The following ARHGAP15 variants were observed in gnomAD, a reference collection of about 807,000 sequenced individuals.
ARHGAP15 encodes the protein rho GTPase-activating protein 15.
ARHGAP15 carries 51 observed loss-of-function variants against 63.7 expected under a neutral mutation model. That is an observed-to-expected ratio of 0.80 (90% CI 0.64 to 1.01). The LOEUF (loss-of-function observed/expected upper bound fraction) is 1.01. Ranked by LOEUF, ARHGAP15 falls within the 50% of genes least tolerant of loss-of-function variation. The pLI is 0.00. For missense variants in ARHGAP15, 560 were observed against 564.6 expected, an observed-to-expected ratio of 0.99 and a Z score of 0.08; for synonymous variants, 191 against 193.8, an observed-to-expected ratio of 0.99 and a Z score of 0.12.
intron 5 of ARHGAP15, among the ~76,000 whole-genome samples, chr2:143,241,023 T>G (rs1421378466): frequency 6.6e-6 from 1 of 152,220 alleles, no homozygotes; most frequent in Non-Finnish European, 1.5e-5. Context: ...ACTGTTTTAA[T>G]TATGAAGCTT....
intron 9 of ARHGAP15, among the ~76,000 whole-genome samples, chr2:143,512,277 C>T (rs1476816064): frequency 6.6e-6 from 1 of 152,218 alleles, no homozygotes; most frequent in Non-Finnish European, 1.5e-5. Context: ...GAAAAAGTCT[C>T]AGGATTTACT....
chr2:143,138,469 A>T (rs1689233744), intron 1 of ARHGAP15, among the ~76,000 whole-genome samples: 1 of 152,152 alleles, frequency 6.6e-6, no homozygotes, highest in African/African-American at 2.4e-5. Flanking sequence ...GCTCTAAAAG[A>T]ATCCTACTTT....
At chr2:143,461,303 A>AAAAC (rs1690928540) in intron 8 of ARHGAP15, among the ~76,000 whole-genome samples, 1 of 151,036 alleles carries the variant, frequency 6.6e-6, no homozygotes, top group Non-Finnish European at 1.5e-5. Context: ...AAAAAAAAAA[A>AAAAC]AAACAGAACT....
At chr2:143,406,064 T>C (rs1294954912) in intron 6 of ARHGAP15, among the ~76,000 whole-genome samples, 1 of 151,944 alleles carries the variant, frequency 6.6e-6, no homozygotes. Context: ...TTCTGTTTCA[T>C]TTTATTTCAA....
chr2:143,229,463 C>T (rs1214275366), intron 5 of ARHGAP15, among the ~76,000 whole-genome samples: 1 of 152,108 alleles, frequency 6.6e-6, no homozygotes, highest in Non-Finnish European at 1.5e-5. Context: ...TAAGTAAGAG[C>T]AATTCGGAGC....
chr2:143,270,579 G>A (rs920690304), intron 6 of ARHGAP15, among the ~76,000 whole-genome samples: 10 of 152,092 alleles, frequency 6.6e-5, no homozygotes, highest in African/African-American at 2.4e-4. Flanking sequence ...CTCTTCTAAT[G>A]TTTCGTGATG....
intron 5 of ARHGAP15, among the ~76,000 whole-genome samples, chr2:143,245,704 G>T (rs1351236827): frequency 6.6e-6 from 1 of 152,030 alleles, no homozygotes; most frequent in Non-Finnish European, 1.5e-5. Flanking sequence ...AGAACGAAAT[G>T]TGAAATTCTT....
chr2:143,759,550 T>C (rs1360340181), intron 13 of ARHGAP15, among the ~76,000 whole-genome samples: 4 of 152,140 alleles, frequency 2.6e-5, no homozygotes, highest in African/African-American at 9.6e-5. Context: ...TCCATCACCC[T>C]TAGAAATAAG....
intron 11 of ARHGAP15, among the ~76,000 whole-genome samples, chr2:143,616,354 A>G (rs996199544): frequency 6.6e-6 from 1 of 152,190 alleles, no homozygotes; most frequent in African/African-American, 2.4e-5. Context: ...TAAAAATAAG[A>G]CAGTCTTGCT....
intron 4 of ARHGAP15, among the ~76,000 whole-genome samples, chr2:143,218,277 CTTTTT>C (rs762494225): frequency 8.1e-4 from 75 of 92,044 alleles, no homozygotes; most frequent in South Asian, 2.8e-3. Context: ...TTTAGTTTTC[CTTTTT>C]TTTTTTTTTT....
In ARHGAP15 at chr2:143,331,312, C is replaced by T. The variant is rs186105122; in HGVS notation, c.474+80712C>T. ...TTGCTCCGATCGCTCTTCTTCCCAT[C>T]CCAACTTTTTATAAAAAAAAGCATG... On this transcript the variant is annotated intron_variant, in intron 6 of 13. Transcript: ENST00000295095. Among the ~76,000 whole-genome samples, 338 of 152,126 alleles carry T rather than the reference C, an allele frequency of 2.2e-3. 3 individuals carry two copies. The highest frequency in any genetic ancestry group is 0.01 in the Middle Eastern group (3 of 294).
intron 12 of ARHGAP15, among the ~76,000 whole-genome samples, chr2:143,632,842 G>A (rs943580805): frequency 6.6e-6 from 1 of 152,042 alleles, no homozygotes; most frequent in Non-Finnish European, 1.5e-5. Flanking sequence ...ACTTTATCTT[G>A]CCCTTTGGTC....
intron 12 of ARHGAP15, among the ~76,000 whole-genome samples, chr2:143,637,880 G>A (rs1470956545): frequency 2.0e-5 from 3 of 152,084 alleles, no homozygotes; most frequent in South Asian, 4.1e-4. Flanking sequence ...CATTTAGGCA[G>A]CCAAAAAACA....
intron 1 of ARHGAP15, among the ~76,000 whole-genome samples, chr2:143,149,773 T>C (rs1412306588): frequency 6.6e-6 from 1 of 152,026 alleles, no homozygotes; most frequent in Non-Finnish European, 1.5e-5. Flanking sequence ...AAAGACATTT[T>C]CTTCTTTGCC....
intron 10 of ARHGAP15, among the ~76,000 whole-genome samples, chr2:143,537,859 C>A (rs371284228): frequency 5.9e-5 from 9 of 151,958 alleles, no homozygotes; most frequent in Non-Finnish European, 8.8e-5. Flanking sequence ...CTTGGCAATG[C>A]GGGCTCTTTT....
intron 5 of ARHGAP15, among the ~76,000 whole-genome samples, chr2:143,229,502 C>A (rs1192566960): frequency 6.6e-6 from 1 of 152,120 alleles, no homozygotes; most frequent in African/African-American, 2.4e-5. Context: ...AAGCTCAAAA[C>A]CTTGCTGCCC....
At chr2:143,452,788 A>T (rs1321085567) in intron 8 of ARHGAP15, among the ~76,000 whole-genome samples, 1 of 151,708 alleles carries the variant, frequency 6.6e-6, no homozygotes. Flanking sequence ...GTCTGTGTTT[A>T]ATCTTTTATC....
At position 143,179,857 on chromosome 2, in the gene ARHGAP15, G is replaced by A. The variant is rs370282812; in HGVS notation, c.166-22277G>A. Among the ~76,000 whole-genome samples the A allele has an allele frequency of 4.7e-5, 7 of 148,540 alleles. 1 individual carries two copies. Among genetic ancestry groups the A allele is most frequent in the South Asian group, 2.1e-4 (1 of 4,752 alleles). ...CAGTAAGCCATGATTGCACCACTGC[G>A]CTCCAGCCTGGGAGATAAAGTGAGA... is the stretch of plus-strand genomic sequence containing the variant. On this transcript the variant is annotated intron_variant, in intron 2 of 13. Coordinates refer to ENST00000295095, the MANE Select transcript of ARHGAP15 (RefSeq NM_018460.4).
intron 6 of ARHGAP15, among the ~76,000 whole-genome samples, chr2:143,301,640 TG>T (rs1240909768): frequency 6.6e-6 from 1 of 151,966 alleles, no homozygotes; most frequent in Non-Finnish European, 1.5e-5. Context: ...GCACCATTTC[TG>T]GGTTGCAAAG....
Sources: allele counts gnomAD v4.1 joint callset (sites outside exome capture counted in the v4.1 genomes callset), GRCh38; gene constraint gnomAD v4.1.1; transcripts MANE v1.5; gene names NCBI Gene and HGNC (gene_info 2026-07-23, HGNC 2026-07-21).